Variants in OSBPL1A observed in about 807,000 individuals in gnomAD.
OSBPL1A encodes oxysterol binding protein like 1A, also known as oxysterol-binding protein-related protein 1.
In OSBPL1A, 80 loss-of-function variants were observed where a neutral mutation model predicts 137.1. The ratio of observed to expected loss-of-function variants is 0.58; its 90% CI spans 0.49 to 0.70. The LOEUF (loss-of-function observed/expected upper bound fraction) is 0.70. OSBPL1A is among the 30% of genes least tolerant of loss of function. The pLI, the probability that OSBPL1A is intolerant of heterozygous loss-of-function variation, is 0.00. For missense variants in OSBPL1A, 970 were observed against 1,129.4 expected (o/e 0.86, Z 2.02); for synonymous variants, 365 against 389.7 (o/e 0.94, Z 0.75).
chr18:24,175,110 A>ATATATATATATATATATACATATATATG (rs2086399179), intron 21 of OSBPL1A, among the ~76,000 whole-genome samples: 1 of 14,780 alleles, frequency 6.8e-5, no homozygotes, highest in Admixed American at 9.6e-4. Context: ...ATGTGTATGT[A>ATATATATATATATATATACATATATATG]TATATATATA....
intron 21 of OSBPL1A, among the ~76,000 whole-genome samples, chr18:24,177,488 G>C (rs2086479564): frequency 1.3e-5 from 2 of 152,106 alleles, no homozygotes; most frequent in Non-Finnish European, 2.9e-5. Flanking sequence ...TTGGGTTGTT[G>C]CTTTGTCTTC....
intron 13 of OSBPL1A, chr18:24,311,649 G>GCTT (rs2090621646): frequency 5.7e-6 from 2 of 350,820 alleles, no homozygotes; most frequent in African/African-American, 4.4e-5. Flanking sequence ...AAGTCATAAA[G>GCTT]GGCATCAAGT....
chr18:24,177,972 G>T (rs772799322), intron 21 of OSBPL1A, 41 bp downstream of exon 21: 1 of 1,565,086 alleles, frequency 6.4e-7, no homozygotes, highest in Admixed American at 1.7e-5. Flanking sequence ...CTTACAGGCA[G>T]GTCTACATGA....
Position 24,163,110 on chromosome 18 carries a change from A to C in OSBPL1A, c.*69T>G. 8.3e-7 allele frequency: 1 copy of C among 1,203,786 alleles called. No homozygotes were observed. Among genetic ancestry groups the C allele is most frequent in the Non-Finnish European group, 1.2e-6 (1 of 852,130 alleles). The allele number at this position is 1,203,786 out of a possible 1,614,324, so 74.6% of individuals were successfully genotyped here. Reference sequence around the variant, plus strand: ...TTAAAAGATAAGTAGAAACCAAGGGAAAAAAATTTAAAAACATAGGTTTAA... The same window carrying C: ...TTAAAAGATAAGTAGAAACCAAGGGCAAAAAATTTAAAAACATAGGTTTAA... On this transcript the variant is annotated 3_prime_UTR_variant, in exon 28 of 28. Transcript: ENST00000319481.
intron 18 of OSBPL1A, among the ~76,000 whole-genome samples, chr18:24,194,707 C>T (rs2086976086): frequency 6.6e-6 from 1 of 152,148 alleles, no homozygotes; most frequent in Non-Finnish European, 1.5e-5. Flanking sequence ...AGGCATTTTA[C>T]ATAAATTATT....
rs559156554 is a variant in OSBPL1A at position 24,171,334 on chromosome 18, C to A, written c.2291+75G>T. The A allele has an allele frequency of 4.3e-5, 51 of 1,189,480 alleles. No homozygotes were observed. In the African/African-American group the frequency reaches 7.3e-4, roughly 17 times the overall value. The allele number at this position is 1,189,480 out of a possible 1,614,324, so 73.7% of individuals were successfully genotyped here. A position where few individuals can be genotyped will look rare whatever the true frequency, so the allele number is the denominator to read the frequency against. ...GGTGTGAGCCACTGTGCCCAGCCGA[C>A]AATGTATTTTAATACCGACATTTTA... is the stretch of plus-strand genomic sequence containing the variant. On this transcript the variant is annotated intron_variant, in intron 23 of 27. Transcript: ENST00000319481.
intron 11 of OSBPL1A, 152 bp from the exon 12 acceptor site, chr18:24,314,499 T>C (rs1310823355): frequency 1.9e-6 from 1 of 528,998 alleles, no homozygotes; most frequent in South Asian, 3.0e-5. Flanking sequence ...AAAAAATAGA[T>C]TACAGTGGGA....
intron 18 of OSBPL1A, among the ~76,000 whole-genome samples, chr18:24,192,036 TAAG>T (rs1454513539): frequency 6.6e-6 from 1 of 152,228 alleles, no homozygotes; most frequent in African/African-American, 2.4e-5. Context: ...TCTTTCACTT[TAAG>T]TAGTCGGTAT....
intron 15 of OSBPL1A, among the ~76,000 whole-genome samples, chr18:24,278,292 C>G (rs1354814589): frequency 6.6e-6 from 1 of 152,184 alleles, no homozygotes; most frequent in African/African-American, 2.4e-5. Context: ...TTAGACAATG[C>G]TACTTCCTCC....
At chr18:24,163,335 C>G in intron 27 of OSBPL1A, 54 bp from the exon 28 acceptor site, 1 of 1,321,222 alleles carries the variant, frequency 7.6e-7, no homozygotes, top group South Asian at 1.2e-5. Context: ...AAATCACAGG[C>G]TGTTTCTTCA....
At chr18:24,231,194 C>A (rs1375960654) in intron 16 of OSBPL1A, among the ~76,000 whole-genome samples, 1 of 152,158 alleles carries the variant, frequency 6.6e-6, no homozygotes, top group Non-Finnish European at 1.5e-5. Flanking sequence ...CTGATTAGTT[C>A]CTCAATTAAA....
At chr18:24,324,978 C>G (rs888538334) in intron 7 of OSBPL1A, among the ~76,000 whole-genome samples, 1 of 151,394 alleles carries the variant, frequency 6.6e-6, no homozygotes, top group Non-Finnish European at 1.5e-5. Context: ...CCCAGCCACG[C>G]GGGAGGCTGA....
chr18:24,374,195 T>C (rs1045272053), intron 2 of OSBPL1A, among the ~76,000 whole-genome samples: 47 of 152,226 alleles, frequency 3.1e-4, no homozygotes, highest in African/African-American at 1.1e-3. Context: ...AAAGATATTT[T>C]AAAATTCCTT....
chr18:24,299,529 G>A (rs1440981341), intron 14 of OSBPL1A, among the ~76,000 whole-genome samples: 1 of 151,934 alleles, frequency 6.6e-6, no homozygotes, highest in African/African-American at 2.4e-5. Context: ...AAGTTTTCTG[G>A]ATACAAAAAA....
At chr18:24,297,586 CT>C (rs1354141625) in intron 14 of OSBPL1A, among the ~76,000 whole-genome samples, 1 of 152,144 alleles carries the variant, frequency 6.6e-6, no homozygotes, top group Non-Finnish European at 1.5e-5. Context: ...GTTTTGATAA[CT>C]TGTGTCACTA....
intron 17 of OSBPL1A, among the ~76,000 whole-genome samples, chr18:24,211,908 C>A (rs1461627830): frequency 1.0e-4 from 15 of 144,968 alleles, no homozygotes; most frequent in East Asian, 9.9e-4. Context: ...AACTCCATCT[C>A]AAAAAAAAAA....
chr18:24,397,498 C>G (rs1487173311), intron 1 of OSBPL1A, 157 bp downstream of exon 1: 1 of 152,220 alleles, frequency 6.6e-6, no homozygotes, highest in Non-Finnish European at 1.5e-5. Context: ...AGCCCTGCGT[C>G]GCCGCGCCAC....
rs201880387 is a variant in OSBPL1A, at chr18:24,256,964, C to CAAAAAAAAAAAAAA, written c.1282-17596_1282-17583dup. Among the ~76,000 whole-genome samples, 19 of 29,512 alleles carry CAAAAAAAAAAAAAA rather than the reference C, an allele frequency of 6.4e-4. 4 individuals carry two copies. The highest frequency in any genetic ancestry group is 1.1e-3 in the East Asian group (1 of 910). 19.4% of individuals were successfully genotyped at this position (29,512 alleles called of 152,430 possible). The stretch of plus-strand genomic sequence containing the variant: ...GCTGATGAAAGAACTGAAGAGGATG[C>CAAAAAAAAAAAAAA]AAAAAAAAAAAAAAAAAAAAAAAAA... On this transcript the variant is annotated intron_variant, in intron 15 of 27. Transcript: ENST00000319481.
intron 14 of OSBPL1A, among the ~76,000 whole-genome samples, chr18:24,289,141 A>G (rs1416675058): frequency 6.6e-6 from 1 of 152,162 alleles, no homozygotes; most frequent in African/African-American, 2.4e-5. Flanking sequence ...AACAACAGCA[A>G]AAAAGGGGGA....
Sources: gnomAD v4.1 joint callset for allele counts (sites outside exome capture counted in the v4.1 genomes callset) on GRCh38, gnomAD v4.1.1 for gene constraint, MANE v1.5 for transcripts, NCBI Gene and HGNC (gene_info 2026-07-23, HGNC 2026-07-21) for gene names.